Variants in ERAP1 observed in about 807,000 individuals in gnomAD.
ERAP1 encodes the protein endoplasmic reticulum aminopeptidase 1.
ERAP1 carries 86 observed loss-of-function variants against 103.7 expected under a neutral mutation model. That is an observed-to-expected ratio of 0.83 (90% CI 0.70 to 0.99). The LOEUF (loss-of-function observed/expected upper bound fraction) is 0.99. ERAP1 is among the 50% of genes least tolerant of loss of function. ERAP1 has a pLI of 0.00. For synonymous variants in ERAP1, 398 were observed against 402.4 expected (o/e 0.99, Z 0.13); for missense variants, 1,009 against 1,128.4 (o/e 0.89, Z 1.52).
chr5:96,789,009 A>T (rs1581583352), intron 10 of ERAP1, among the ~76,000 whole-genome samples: 1 of 152,196 alleles, frequency 6.6e-6, no homozygotes, highest in South Asian at 2.1e-4. Context: ...GAAGGGAGAG[A>T]AAGTGCCAGG....
At chr5:96,875,102 A>T in the ERAP1 span, among the ~76,000 whole-genome samples, 8 of 152,218 alleles carry the variant, frequency 5.3e-5, no homozygotes, top group Admixed American at 5.2e-4. Flanking sequence ...ATCTGGTGGC[A>T]TCGTACAAGT....
chr5:96,777,944 A>G lies in ERAP1; in HGVS notation c.2671-1393T>C, dbSNP rs189797191. 4.9e-3 allele frequency among the ~76,000 whole-genome samples: 751 copies of G among 152,314 alleles called. 5 individuals are homozygous for G. Among genetic ancestry groups the G allele is most frequent in the Non-Finnish European group, 6.6e-3 (451 of 68,032 alleles). ...ATTTCTGTGCAATAAGTAGCACAAT[A>G]CAGGGATAGGAAAACAGGTTTATCC... On this transcript the variant is annotated intron_variant, in intron 18 of 18. Transcript: ENST00000443439.
the ERAP1 span, among the ~76,000 whole-genome samples, chr5:96,906,811 C>T: frequency 1.8e-4 from 27 of 152,318 alleles, no homozygotes; most frequent in African/African-American, 6.3e-4. Flanking sequence ...GCGGGTGGAT[C>T]ACCTGAGGTC....
chr5:96,854,177 A>G, the ERAP1 span, among the ~76,000 whole-genome samples: 1 of 152,210 alleles, frequency 6.6e-6, no homozygotes, highest in East Asian at 1.9e-4. Flanking sequence ...TAAAATATGG[A>G]TAATAGTATC....
chr5:96,836,495 C>T, the ERAP1 span, among the ~76,000 whole-genome samples: 9 of 152,184 alleles, frequency 5.9e-5, no homozygotes, highest in Non-Finnish European at 1.3e-4. Context: ...AGCCACCACG[C>T]CTGGTCCACA....
the ERAP1 span, among the ~76,000 whole-genome samples, chr5:96,931,251 G>A: frequency 6.6e-6 from 1 of 151,794 alleles, no homozygotes; most frequent in African/African-American, 2.4e-5. Flanking sequence ...CCACCTTCCA[G>A]GCTCAAGCAA....
At chr5:96,829,272 A>G in the ERAP1 span, among the ~76,000 whole-genome samples, 1 of 152,220 alleles carries the variant, frequency 6.6e-6, no homozygotes, top group Admixed American at 6.5e-5. Flanking sequence ...TTTTTCATAT[A>G]CCAAGTAAAA....
the ERAP1 span, among the ~76,000 whole-genome samples, chr5:96,826,494 C>A: frequency 6.6e-6 from 1 of 152,172 alleles, no homozygotes; most frequent in African/African-American, 2.4e-5. Context: ...TCTTAGGGAT[C>A]TTCTCCCCCA....
rs748171332 is a variant in ERAP1 at position 96,785,909 on chromosome 5, A to G, written c.1822T>C (p.Tyr608His). The G allele has an allele frequency of 6.2e-7, 1 of 1,614,168 alleles. No individual in the cohort carries two copies. Among genetic ancestry groups the G allele is most frequent in the Non-Finnish European group, 8.5e-7 (1 of 1,180,016 alleles). ...IKFNVGMNGY[Y>H]IVHYEDDGWD... ...CCATCATCCTCGTAATGCACAATGT[A>G]ATAGCCATTCATGCCCACATTAAAT... Residue 608 changes from tyrosine (Y) to histidine (H), a missense_variant, in exon 13 of 19, where the codon TAC becomes CAC. This residue lies in a region of ERAP1 where 611 missense variants were observed against 651.7 expected (regional missense o/e 0.94). Transcript: ENST00000443439.
At chr5:96,854,567 T>C in the ERAP1 span, among the ~76,000 whole-genome samples, 1 of 152,200 alleles carries the variant, frequency 6.6e-6, no homozygotes. Context: ...CTTCACATTT[T>C]GGAAAAATTG....
At chr5:96,876,593 T>C in the ERAP1 span, 9 of 152,326 alleles carry the variant, frequency 5.9e-5, no homozygotes, top group Admixed American at 4.6e-4. Context: ...AATAATGAAC[T>C]GAAGGTATAG....
chr5:96,805,039 C>T (rs567221837), intron 1 of ERAP1: 1 of 140,512 alleles, frequency 7.1e-6, no homozygotes, highest in African/African-American at 2.5e-5. Context: ...TATACAAACG[C>T]ACCTTTCTAA....
In ERAP1 at chr5:96,776,362, TAGAGATAAC is replaced by T. The variant is rs1315431132; in HGVS notation, c.*25_*33del. 3 of 1,589,572 alleles carry T rather than the reference TAGAGATAAC, an allele frequency of 1.9e-6. No homozygotes were observed. The highest frequency in any genetic ancestry group is 1.7e-4 in the Middle Eastern group (1 of 5,960). On this transcript the variant is annotated 3_prime_UTR_variant, in exon 19 of 19. Coordinates refer to ENST00000443439, the MANE Select transcript of ERAP1 (RefSeq NM_001040458.3). ...ATACACTCAACAAAATGTTGGTGATTAGAGATAACAGGAACCTGGCAAGGGAGGAATTTT... is the reference window on the plus strand; with the variant it reads ...ATACACTCAACAAAATGTTGGTGATTAGGAACCTGGCAAGGGAGGAATTTT...
intron 18 of ERAP1, chr5:96,779,687 A>G (rs1447385406): frequency 6.5e-6 from 1 of 153,790 alleles, no homozygotes; most frequent in Non-Finnish European, 1.5e-5. Context: ...AAACCTTATT[A>G]TAGAAGGGAC....
the ERAP1 span, among the ~76,000 whole-genome samples, chr5:96,907,644 G>A: frequency 6.6e-6 from 1 of 151,952 alleles, no homozygotes; most frequent in Non-Finnish European, 1.5e-5. Flanking sequence ...CATTTTGGGA[G>A]GCCGAGGCGG....
the ERAP1 span, among the ~76,000 whole-genome samples, chr5:96,898,761 A>T: frequency 6.6e-6 from 1 of 151,890 alleles, no homozygotes; most frequent in Middle Eastern, 3.2e-3. Context: ...ACAAACAAAC[A>T]AACAAAAAAC....
downstream of ERAP1, chr5:96,770,742 T>C: frequency 1.7e-6 from 1 of 589,326 alleles, no homozygotes; most frequent in Non-Finnish European, 3.0e-6. Flanking sequence ...TAGCATCGCT[T>C]GGTAAAGTAA....
At chr5:96,921,856 C>T in the ERAP1 span, among the ~76,000 whole-genome samples, 1 of 152,208 alleles carries the variant, frequency 6.6e-6, no homozygotes, top group African/African-American at 2.4e-5. Flanking sequence ...AGTAATAGCA[C>T]CTGGTATGTC....
chr5:96,809,439 A>C (rs143952327), upstream of ERAP1, among the ~76,000 whole-genome samples: 59 of 151,998 alleles, frequency 3.9e-4, 1 homozygote, highest in East Asian at 0.01. Context: ...TTCTTCTCCC[A>C]CTTCTTTATT....
Sources: gnomAD v4.1 joint callset for allele counts (sites outside exome capture counted in the v4.1 genomes callset) on GRCh38, gnomAD v4.1.1 for gene constraint, gnomAD v4.1.1 regional missense constraint, MANE v1.5 for transcripts, NCBI Gene and HGNC (gene_info 2026-07-23, HGNC 2026-07-21) for gene names.